Variants in DPH6 observed in about 807,000 individuals in gnomAD.
The protein encoded by DPH6 is diphthine--ammonia ligase.
DPH6 carries 33 observed loss-of-function variants against 38.2 expected under a neutral mutation model. The ratio of observed to expected loss-of-function variants is 0.86; its 90% confidence interval spans 0.65 to 1.15. The LOEUF (loss-of-function observed/expected upper bound fraction) is 1.15, where lower values mean the gene tolerates loss of function less well. Ranked by LOEUF, DPH6 falls within the 50% of genes most tolerant of loss-of-function variation. DPH6 has a pLI of 0.00. For missense variants in DPH6, 325 were observed against 320.0 expected, an observed-to-expected ratio of 1.02 and a Z score of -0.12; for synonymous variants, 108 against 103.0, an observed-to-expected ratio of 1.05 and a Z score of -0.30.
intron 3 of DPH6, chr15:35,237,290 C>A: frequency 6.5e-7 from 1 of 1,546,012 alleles, no homozygotes; most frequent in South Asian, 1.1e-5. Context: ...TGATTGAATT[C>A]CAGCGGCGCG....
intron 3 of DPH6, among the ~76,000 whole-genome samples, chr15:35,468,505 A>T (rs1178019327): frequency 6.6e-6 from 1 of 152,100 alleles, no homozygotes; most frequent in South Asian, 2.1e-4. Flanking sequence ...CAGATACCCC[A>T]TTATCTCTCT....
chr15:35,299,077 C>T (rs776052352), intron 3 of DPH6: 3 of 762,930 alleles, frequency 3.9e-6, no homozygotes, highest in African/African-American at 1.7e-5. Flanking sequence ...GTCTTTCCAG[C>T]TCCCGCTGTC....
At chr15:35,156,873 C>T in the DPH6 span, among the ~76,000 whole-genome samples, 4 of 152,102 alleles carry the variant, frequency 2.6e-5, no homozygotes, top group Non-Finnish European at 4.4e-5. Flanking sequence ...TTCTGAGCAC[C>T]ACAGCTTAGA....
At chr15:35,468,399 G>GT (rs951228598) in intron 3 of DPH6, among the ~76,000 whole-genome samples, 4 of 152,146 alleles carry the variant, frequency 2.6e-5, no homozygotes, top group African/African-American at 9.7e-5. Context: ...GTCACAGACC[G>GT]TCCCAGCCTC....
intron 3 of DPH6, among the ~76,000 whole-genome samples, chr15:35,357,185 G>A (rs774472675): frequency 5.9e-5 from 9 of 152,346 alleles, no homozygotes; most frequent in South Asian, 4.1e-4. Context: ...GTCTATCACC[G>A]CTTTCTTTGA....
chr15:35,486,780 A>C (rs1338755871), intron 3 of DPH6, among the ~76,000 whole-genome samples: 1 of 152,206 alleles, frequency 6.6e-6, no homozygotes, highest in Non-Finnish European at 1.5e-5. Flanking sequence ...ACCCAAAATT[A>C]AACCAGAATT....
At chr15:35,337,366 T>C (rs903301188) in intron 3 of DPH6, among the ~76,000 whole-genome samples, 1 of 152,034 alleles carries the variant, frequency 6.6e-6, no homozygotes, top group African/African-American at 2.4e-5. Context: ...GCTAGCGGTC[T>C]ATCATTCTTA....
At chr15:35,352,976 A>T (rs2052528486) in intron 3 of DPH6, among the ~76,000 whole-genome samples, 1 of 152,186 alleles carries the variant, frequency 6.6e-6, no homozygotes, top group African/African-American at 2.4e-5. Flanking sequence ...CGCCATTCAA[A>T]CTGGTGTGAG....
At chr15:35,300,092 T>G (rs566160564) in intron 3 of DPH6, among the ~76,000 whole-genome samples, 1 of 152,118 alleles carries the variant, frequency 6.6e-6, no homozygotes, top group East Asian at 1.9e-4. Context: ...GGGAAGAAAA[T>G]CATTTGTTTT....
downstream of DPH6, among the ~76,000 whole-genome samples, chr15:35,212,971 G>GT (rs1293308826): frequency 1.3e-5 from 2 of 152,182 alleles, no homozygotes; most frequent in African/African-American, 4.8e-5. Flanking sequence ...CATTAGAGTT[G>GT]TTTTTGCATT....
chr15:35,464,327 A>G (rs1237851826), intron 3 of DPH6, among the ~76,000 whole-genome samples: 2 of 152,094 alleles, frequency 1.3e-5, no homozygotes, highest in Non-Finnish European at 2.9e-5. Flanking sequence ...TATGTGACAT[A>G]AGTCTATATA....
intron 3 of DPH6, among the ~76,000 whole-genome samples, chr15:35,460,887 G>A (rs1033946709): frequency 1.9e-5 from 2 of 107,432 alleles, no homozygotes; most frequent in Non-Finnish European, 3.6e-5. Context: ...AAAGCAAAGA[G>A]ATACTCACAA....
At chr15:35,223,599 T>G (rs2051457492) in intron 3 of DPH6, among the ~76,000 whole-genome samples, 2 of 151,838 alleles carry the variant, frequency 1.3e-5, no homozygotes. Context: ...GGCAGGAGAA[T>G]GGCGTGAACC....
At chr15:35,212,102 C>T in the DPH6 span, among the ~76,000 whole-genome samples, 1 of 152,090 alleles carries the variant, frequency 6.6e-6, no homozygotes, top group South Asian at 2.1e-4. Context: ...AGAAAGGCGC[C>T]CAGATACATC....
chr15:35,490,824 T>C (rs1486340137), intron 3 of DPH6, among the ~76,000 whole-genome samples: 1 of 152,068 alleles, frequency 6.6e-6, no homozygotes, highest in Non-Finnish European at 1.5e-5. Context: ...TAAGAGAATA[T>C]CACAGACTGG....
chr15:35,381,234 G>C (rs1416191807), intron 7 of DPH6, among the ~76,000 whole-genome samples: 3 of 152,094 alleles, frequency 2.0e-5, no homozygotes, highest in African/African-American at 7.2e-5. Context: ...ATTAGAGCAT[G>C]GATGATAAGG....
At chr15:35,490,756 A>T (rs987584583) in intron 3 of DPH6, among the ~76,000 whole-genome samples, 1 of 152,152 alleles carries the variant, frequency 6.6e-6, no homozygotes, top group African/African-American at 2.4e-5. Flanking sequence ...CATTGCTTAA[A>T]CACATTGTGC....
At chr15:35,288,791 T>C (rs1283733017) in intron 3 of DPH6, among the ~76,000 whole-genome samples, 1 of 152,200 alleles carries the variant, frequency 6.6e-6, no homozygotes, top group Admixed American at 6.5e-5. Context: ...CTGAAGGGCA[T>C]ACTGTCTGAT....
intron 3 of DPH6, among the ~76,000 whole-genome samples, chr15:35,266,907 C>T (rs985207690): frequency 2.0e-5 from 3 of 152,030 alleles, no homozygotes; most frequent in African/African-American, 7.2e-5. Context: ...AACATTAATA[C>T]AGAAATAAAA....
Sources: allele counts gnomAD v4.1 joint callset (sites outside exome capture counted in the v4.1 genomes callset), GRCh38; gene constraint gnomAD v4.1.1; transcripts MANE v1.5; gene names NCBI Gene and HGNC (gene_info 2026-07-23, HGNC 2026-07-21).